The following SACS variants were observed in gnomAD, a reference collection of about 807,000 sequenced individuals.
The protein encoded by SACS is sacsin.
In SACS, 197 loss-of-function variants were observed where a neutral mutation model predicts 348.0. The ratio of observed to expected loss-of-function variants is 0.57; its 90% CI spans 0.50 to 0.64. SACS has a LOEUF of 0.64. Ranked by LOEUF, SACS falls within the 30% of genes least tolerant of loss-of-function variation. The pLI is 0.00. For synonymous variants in SACS, 1,985 were observed against 1,910.6 expected, an observed-to-expected ratio of 1.04 and a Z score of -1.02; for missense variants, 4,999 against 5,360.8, an observed-to-expected ratio of 0.93 and a Z score of 2.11.
chr13:23,358,383 T>C lies in SACS; in HGVS notation c.556A>G (p.Lys186Glu), dbSNP rs1034591393. 24 of 1,614,084 alleles carry C rather than the reference T, an allele frequency of 1.5e-5. No individual in the cohort carries two copies. The highest frequency in any genetic ancestry group is 1.9e-5 in the Non-Finnish European group (23 of 1,180,024). The change falls in exon 7 of 10, where the codon AAG (lysine) becomes GAG (glutamate). Residue 186 changes from lysine (K) to glutamate (E), a missense_variant. Lys to Glu is a moderately conservative substitution (Grantham distance 56, BLOSUM62 1). Around this residue, in one of 6 missense-constraint regions of SACS, gnomAD observed 3,156 missense variants for 3,380.1 expected, o/e 0.93. Transcript: ENST00000382292. ...ARSRKKDDPLKVGRFGIGFNS... is the reference protein window; with the variant it reads ...ARSRKKDDPLEVGRFGIGFNS... ...AACCCAATTCCAAATCTTCCGACCT[T>C]CAGAGGATCATCCTTTTTCCTGCTT...
chr13:23,337,349 C>T lies in SACS; in HGVS notation c.6527G>A (p.Ser2176Asn). 4 of 1,613,928 alleles carry T rather than the reference C, an allele frequency of 2.5e-6. No individual in the cohort carries two copies. The highest frequency in any genetic ancestry group is 3.4e-6 in the Non-Finnish European group (4 of 1,179,898). ...RAVSVAEINK[S>N]DHVAACLRSS... Reference sequence around the variant, plus strand: ...TCTTAGGCATGCAGCAACATGATCACTTTTATTAATTTCAGCTACTGACAC... The same window carrying T: ...TCTTAGGCATGCAGCAACATGATCATTTTTATTAATTTCAGCTACTGACAC... The change falls in exon 10 of 10, where the codon AGT (serine) becomes AAT (asparagine). Residue 2176 changes from serine (S) to asparagine (N), a missense_variant. Physicochemically the swap from Ser to Asn is conservative, Grantham distance 46 (BLOSUM62 1). Coordinates refer to ENST00000382292, the MANE Select transcript of SACS (RefSeq NM_014363.6).
intron 1 of SACS, among the ~76,000 whole-genome samples, chr13:23,424,011 C>A (rs1874059534): frequency 6.6e-6 from 1 of 152,100 alleles, no homozygotes; most frequent in Non-Finnish European, 1.5e-5. Context: ...TGAATGGAAC[C>A]TGTGTTTTTA....
chr13:23,416,786 T>C (rs1873708916), intron 1 of SACS, among the ~76,000 whole-genome samples: 1 of 151,900 alleles, frequency 6.6e-6, no homozygotes, highest in Non-Finnish European at 1.5e-5. Context: ...GGAACTTTTT[T>C]AAAGGGCAAA....
intron 2 of SACS, among the ~76,000 whole-genome samples, chr13:23,409,944 G>A (rs1418224021): frequency 3.9e-5 from 6 of 152,074 alleles, no homozygotes; most frequent in African/African-American, 1.4e-4. Flanking sequence ...TAGTGTCAGC[G>A]TCAATGATTC....
rs986433635 is a variant in SACS at position 23,339,240 on chromosome 13, T to C, written c.4636A>G (p.Lys1546Glu). Residue 1546 changes from lysine to glutamate, a missense_variant, in exon 10 of 10, where the codon AAA becomes GAA. Around this residue, in one of 6 missense-constraint regions of SACS, gnomAD observed 3,156 missense variants for 3,380.1 expected, o/e 0.93. Transcript: ENST00000382292. Reference protein sequence around the residue: ...VNITRLGESLKRGEVDKVGKF... With the variant: ...VNITRLGESLERGEVDKVGKF... ...CCAACTTTGTCAACTTCTCCCCTTT[T>C]TAAAGATTCTCCTAACCTAGTTATG... 1 of 1,608,508 alleles carries C rather than the reference T, an allele frequency of 6.2e-7. No individual in the cohort carries two copies. Among genetic ancestry groups the C allele is most frequent in the Non-Finnish European group, 8.5e-7 (1 of 1,177,750 alleles).
intron 1 of SACS, among the ~76,000 whole-genome samples, chr13:23,433,287 A>G (rs1281665717): frequency 6.6e-6 from 1 of 152,146 alleles, no homozygotes; most frequent in Non-Finnish European, 1.5e-5. Flanking sequence ...CTAGTCCAGC[A>G]TCTTGACCGC....
intron 2 of SACS, among the ~76,000 whole-genome samples, chr13:23,403,549 T>C (rs1163054814): frequency 6.6e-6 from 1 of 152,226 alleles, no homozygotes; most frequent in Non-Finnish European, 1.5e-5. Flanking sequence ...GAGGTGTTTA[T>C]AGTATTCTCT....
rs71185075 is a variant in SACS, at chr13:23,388,422, GTA to G, written c.21-13155_21-13154del. Among the ~76,000 whole-genome samples, 82 of 93,526 alleles carry G rather than the reference GTA, an allele frequency of 8.8e-4. 1 individual carries two copies. The highest frequency in any genetic ancestry group is 9.8e-4 in the Admixed American group (8 of 8,132). The allele number at this position is 93,526 out of a possible 152,430, so 61.4% of individuals were successfully genotyped here. ...AGTGGATTTAAAAAATGGTGTGTGT[GTA>G]TATATATATATATGGTACATATAAT... On this transcript the variant is annotated intron_variant, in intron 2 of 9. Coordinates refer to ENST00000382292, the MANE Select transcript of SACS (RefSeq NM_014363.6).
chr13:23,430,367 A>G (rs1874386729), intron 1 of SACS, among the ~76,000 whole-genome samples: 2 of 152,220 alleles, frequency 1.3e-5, no homozygotes, highest in South Asian at 4.1e-4. Context: ...AGCTCTGTTT[A>G]TATCATATTG....
Position 23,334,613 on chromosome 13 carries a change from A to T in SACS, c.9263T>A (p.Ile3088Asn). The change falls in exon 10 of 10, where the codon ATT (isoleucine) becomes AAT (asparagine). Residue 3088 changes from isoleucine (I) to asparagine (N), a missense_variant. This residue lies in a region of SACS where 734 missense variants were observed against 694.0 expected (regional missense o/e 1.06). Transcript: ENST00000382292. Reference sequence around the variant, plus strand: ...AGCAGGGGTCACATAACTAACAGGAATATCTGCATCTATAAGACAGTGGTA... The same window carrying T: ...AGCAGGGGTCACATAACTAACAGGATTATCTGCATCTATAAGACAGTGGTA... ...NLYHCLIDAD[I>N]PVSYVTPADI... 1.2e-6 allele frequency: 2 copies of T among 1,613,610 alleles called. No individual in the cohort carries two copies. Among genetic ancestry groups the T allele is most frequent in the Non-Finnish European group, 1.7e-6 (2 of 1,179,786 alleles).
chr13:23,401,999 G>GA (rs1467446853), intron 2 of SACS, among the ~76,000 whole-genome samples: 1 of 152,160 alleles, frequency 6.6e-6, no homozygotes, highest in African/African-American at 2.4e-5. Context: ...CTAACAGGGT[G>GA]AAACCCGTCT....
chr13:23,385,058 G>T (rs142680021), intron 2 of SACS, among the ~76,000 whole-genome samples: 1 of 151,726 alleles, frequency 6.6e-6, no homozygotes, highest in East Asian at 1.9e-4. Context: ...TCAGGAGATC[G>T]AGAACATCCT....
intron 2 of SACS, among the ~76,000 whole-genome samples, chr13:23,400,722 T>C (rs1194579653): frequency 6.6e-6 from 1 of 152,196 alleles, no homozygotes; most frequent in Non-Finnish European, 1.5e-5. Flanking sequence ...GCCCGGCCAG[T>C]CACTTTGGTT....
At chr13:23,348,686 G>C (rs1843892141) in intron 9 of SACS, among the ~76,000 whole-genome samples, 1 of 152,158 alleles carries the variant, frequency 6.6e-6, no homozygotes, top group South Asian at 2.1e-4. Context: ...GCTTCCTGGA[G>C]GTGACACATG....
At chr13:23,387,521 CA>C (rs1176259137) in intron 2 of SACS, among the ~76,000 whole-genome samples, 1 of 151,470 alleles carries the variant, frequency 6.6e-6, no homozygotes, top group Non-Finnish European at 1.5e-5. Flanking sequence ...CTGGACTTGC[CA>C]TTCTAAGGGC....
In SACS at chr13:23,336,033, T is replaced by C; in HGVS notation, c.7843A>G (p.Asn2615Asp). ...QNLGKGTKEG[N>D]PYKTGQYGIG... is the part of the protein sequence containing the mutation. ...CCATACTGTCCAGTTTTATAAGGAT[T>C]TCCCTCTTTCGTGCCTTTTCCAAGA... The change falls in exon 10 of 10, where the codon AAT becomes GAT. Residue 2615 changes from asparagine (N) to aspartate (D), a missense_variant. Around this residue, in one of 6 missense-constraint regions of SACS, gnomAD observed 3,156 missense variants for 3,380.1 expected, o/e 0.93. Transcript: ENST00000382292. 1 of 1,612,570 alleles carries C rather than the reference T, an allele frequency of 6.2e-7. No individual in the cohort carries two copies. The highest frequency in any genetic ancestry group is 8.5e-7 in the Non-Finnish European group (1 of 1,178,716).
At chr13:23,420,491 G>C (rs909760031) in intron 1 of SACS, among the ~76,000 whole-genome samples, 1 of 151,606 alleles carries the variant, frequency 6.6e-6, no homozygotes, top group East Asian at 1.9e-4. Flanking sequence ...TAAATCTGGG[G>C]ACTAAAGTCT....
Position 23,416,618 on chromosome 13 carries a change from G to A in SACS, c.-501-4878C>T, listed in dbSNP as rs551047795. On this transcript the variant is annotated intron_variant, in intron 1 of 9. Coordinates refer to ENST00000382292, the MANE Select transcript of SACS (RefSeq NM_014363.6). ...ACTAAAAATACAAAATTAGCTGGGC[G>A]TGGTGGCGCATGTCTGTAGTCCCAG... Among the ~76,000 whole-genome samples, 132 of 151,736 alleles carry A rather than the reference G, an allele frequency of 8.7e-4. 1 individual carries two copies. The highest frequency in any genetic ancestry group is 3.1e-3 in the African/African-American group (127 of 41,376).
rs750988529 is a variant in SACS, at chr13:23,338,011, A to G, written c.5865T>C (p.Asp1955=). 1 of 1,613,940 alleles carries G rather than the reference A, an allele frequency of 6.2e-7. No homozygotes were observed. Among genetic ancestry groups the G allele is most frequent in the Non-Finnish European group, 8.5e-7 (1 of 1,179,942 alleles). ...AAAATCCTTGGCAAATTACAGAAAA[A>G]TCATCATGAACTAAATCAGGATCGG... is the stretch of plus-strand genomic sequence containing the variant. ...VWPDPDLVHD[D]FSVICQGFYE... The change falls in exon 10 of 10, where the codon GAT becomes GAC. Residue 1955 remains aspartate (D), a synonymous_variant. Transcript: ENST00000382292.
Sources: gnomAD v4.1 joint callset for allele counts (sites outside exome capture counted in the v4.1 genomes callset) on GRCh38, gnomAD v4.1.1 for gene constraint, gnomAD v4.1.1 regional missense constraint, MANE v1.5 for transcripts, NCBI Gene and HGNC (gene_info 2026-07-23, HGNC 2026-07-21) for gene names.